The following GSN variants were observed in gnomAD, a reference collection of about 807,000 sequenced individuals.
GSN encodes actin-depolymerizing factor.
In GSN, 56 loss-of-function variants were observed where a neutral mutation model predicts 85.7. The ratio of observed to expected loss-of-function variants is 0.65; its 90% CI spans 0.53 to 0.82. The LOEUF is 0.82. Among genes scored for constraint, GSN ranks in the 40% least tolerant of loss-of-function variants. The probability of loss-of-function intolerance (pLI) is 0.00; values close to 1 mark genes in which losing one functional copy is unlikely to be tolerated. For synonymous variants in GSN, 373 were observed against 399.1 expected, an observed-to-expected ratio of 0.93 and a Z score of 0.78; for missense variants, 857 against 979.8, an observed-to-expected ratio of 0.87 and a Z score of 1.67.
intron 6 of GSN, among the ~76,000 whole-genome samples, chr9:121,258,246 C>A (rs2132267751): frequency 6.6e-6 from 1 of 152,324 alleles, no homozygotes; most frequent in South Asian, 2.1e-4. Flanking sequence ...TACTTGAGGC[C>A]ACGAGTTCAA....
chr9:121,300,758 A>C (rs767290216), intron 2 of GSN, among the ~76,000 whole-genome samples: 14 of 152,014 alleles, frequency 9.2e-5, no homozygotes, highest in Non-Finnish European at 1.9e-4. Flanking sequence ...CCAAGAAATG[A>C]AATTTGGGGG....
chr9:121,250,084 A>G (rs2054786238), intron 6 of GSN, among the ~76,000 whole-genome samples: 1 of 152,092 alleles, frequency 6.6e-6, no homozygotes, highest in African/African-American at 2.4e-5. Flanking sequence ...TGCTTGAGCT[A>G]GCTCTGGTCG....
At position 121,318,859 on chromosome 9, in the gene GSN, C is replaced by T. The variant is rs147583697; in HGVS notation, c.1170C>T (p.Asp390=). The T allele has an allele frequency of 1.6e-4, 257 of 1,613,932 alleles. No homozygotes were observed. The highest frequency in any genetic ancestry group is 2.3e-4 in the Admixed American group (14 of 60,030). ...TGGCCGCCCAGCACGGCATGGATGACGATGGCACAGGCCAGAAACAGGTAC... is the reference window on the plus strand; with the variant it reads ...TGGCCGCCCAGCACGGCATGGATGATGATGGCACAGGCCAGAAACAGGTAC... ...TAMAAQHGMD[D]DGTGQKQIWR... is the part of the protein sequence containing the mutation. Residue 390 remains aspartate, a synonymous_variant, in exon 10 of 18, where the codon GAC becomes GAT. Coordinates refer to ENST00000432226, the MANE Select transcript of GSN (RefSeq NM_198252.3). The surrounding 1 kb of genome is among the most constrained non-coding windows in gnomAD (Gnocchi z 4.3).
At chr9:121,283,287 C>A (rs538227868) in intron 2 of GSN, 1 of 159,698 alleles carries the variant, frequency 6.3e-6, no homozygotes, top group Non-Finnish European at 1.5e-5. Context: ...CTTTTTCTTT[C>A]TTTCTTTCTT....
At chr9:121,233,642 G>C (rs1156419381) in intron 5 of GSN, among the ~76,000 whole-genome samples, 1 of 152,086 alleles carries the variant, frequency 6.6e-6, no homozygotes, top group Non-Finnish European at 1.5e-5. Context: ...CTCCAAGCAA[G>C]AACCACTGAG....
intron 10 of GSN, among the ~76,000 whole-genome samples, chr9:121,320,927 C>T (rs890567840): frequency 6.6e-6 from 1 of 152,060 alleles, no homozygotes; most frequent in Non-Finnish European, 1.5e-5. Flanking sequence ...GTCTCATGGC[C>T]CGGAAGGGGA....
intron 1 of GSN, among the ~76,000 whole-genome samples, chr9:121,279,457 C>A (rs1337384134): frequency 6.6e-6 from 1 of 151,694 alleles, no homozygotes; most frequent in Non-Finnish European, 1.5e-5. Flanking sequence ...GGCTATGGAC[C>A]CAGATGTTGG....
At chr9:121,308,849 G>T (rs146602484) in intron 4 of GSN, 1 of 152,400 alleles carries the variant, frequency 6.6e-6, no homozygotes, top group African/African-American at 2.4e-5. Flanking sequence ...GGCACAGTGG[G>T]CATCATCATT....
intron 4 of GSN, among the ~76,000 whole-genome samples, chr9:121,211,600 C>T (rs1474719822): frequency 6.6e-6 from 1 of 152,186 alleles, no homozygotes; most frequent in African/African-American, 2.4e-5. Flanking sequence ...GGAATGAGAG[C>T]TTGAGGTTAG....
At chr9:121,316,574 G>T (rs2061729146) in intron 7 of GSN, among the ~76,000 whole-genome samples, 1 of 152,048 alleles carries the variant, frequency 6.6e-6, no homozygotes. Context: ...GGGCTCAAGT[G>T]ATCCTCCCAC....
intron 4 of GSN, among the ~76,000 whole-genome samples, chr9:121,229,754 A>G (rs2054351399): frequency 6.6e-6 from 1 of 152,168 alleles, no homozygotes. Flanking sequence ...TTACCTATTT[A>G]TCTTTGTAAT....
At chr9:121,262,244 G>A (rs1245577368) in intron 6 of GSN, among the ~76,000 whole-genome samples, 1 of 152,140 alleles carries the variant, frequency 6.6e-6, no homozygotes, top group African/African-American at 2.4e-5. Context: ...CTTTCACTCT[G>A]GCTATAGAAA....
intron 6 of GSN, among the ~76,000 whole-genome samples, chr9:121,256,393 TGA>T (rs2054960179): frequency 6.6e-6 from 1 of 152,132 alleles, no homozygotes; most frequent in East Asian, 1.9e-4. Flanking sequence ...TGGGTGGAAC[TGA>T]AAGTCATTAT....
chr9:121,311,166 T>A (rs2061090307), intron 5 of GSN: 1 of 400,602 alleles, frequency 2.5e-6, no homozygotes, highest in Non-Finnish European at 4.7e-6. Context: ...GCCCACCAGG[T>A]GTGCACATGT....
At chr9:121,201,558 A>G in the GSN span, 4 of 152,318 alleles carry the variant, frequency 2.6e-5, no homozygotes, top group Non-Finnish European at 5.9e-5. Flanking sequence ...CCCAGTCTCC[A>G]CCGTCCCCAC....
At chr9:121,288,470 G>C (rs952597875) in intron 2 of GSN, among the ~76,000 whole-genome samples, 2 of 152,182 alleles carry the variant, frequency 1.3e-5, no homozygotes, top group African/African-American at 4.8e-5. Flanking sequence ...GGTTGGCACA[G>C]GCCTAGCAAA....
intron 5 of GSN, among the ~76,000 whole-genome samples, chr9:121,233,566 C>A (rs1374311943): frequency 2.0e-5 from 3 of 152,170 alleles, no homozygotes; most frequent in African/African-American, 7.2e-5. Flanking sequence ...TCTTTGATGT[C>A]CAGTCCAGTT....
chr9:121,286,458 G>C (rs145692050), intron 2 of GSN: 128 of 735,596 alleles, frequency 1.7e-4, no homozygotes, highest in Middle Eastern at 4.0e-4. Context: ...ACGCTTCCTT[G>C]TGCAGGCCAC....
At chr9:121,224,179 C>G (rs1350743090) in intron 4 of GSN, among the ~76,000 whole-genome samples, 1 of 152,026 alleles carries the variant, frequency 6.6e-6, no homozygotes, top group Non-Finnish European at 1.5e-5. Context: ...TCACTGCAAC[C>G]TCCGCCTCCC....
Sources: allele counts gnomAD v4.1 joint callset (sites outside exome capture counted in the v4.1 genomes callset), GRCh38; gene constraint gnomAD v4.1.1; non-coding constraint Gnocchi (gnomAD v3.1); transcripts MANE v1.5; gene names NCBI Gene and HGNC (gene_info 2026-07-23, HGNC 2026-07-21).